Variants in LMNTD1 observed in about 807,000 individuals in gnomAD.
LMNTD1 encodes the protein lamin tail domain-containing protein 1.
Under a neutral mutation model 50.9 loss-of-function variants are expected in LMNTD1, and 35 were observed. The observed-to-expected ratio is 0.69, with a 90% confidence interval of 0.53 to 0.91. The LOEUF (loss-of-function observed/expected upper bound fraction) is 0.91, where lower values mean the gene tolerates loss of function less well. Ranked by LOEUF, LMNTD1 falls within the 40% of genes least tolerant of loss-of-function variation. The pLI, the probability that LMNTD1 is intolerant of heterozygous loss-of-function variation, is 0.00. For missense variants in LMNTD1, 470 were observed against 475.5 expected (o/e 0.99, Z 0.11); for synonymous variants, 153 against 161.9 (o/e 0.94, Z 0.42).
At chr12:25,481,865 T>TCACACACACACACACACACA (rs138084240) in intron 9 of LMNTD1, among the ~76,000 whole-genome samples, 1 of 132,612 alleles carries the variant, frequency 7.5e-6, no homozygotes, top group Non-Finnish European at 1.6e-5. Context: ...TATTGCCTCT[T>TCACACACACACACACACACA]CACACACACA....
intron 4 of LMNTD1, among the ~76,000 whole-genome samples, chr12:25,545,293 A>G (rs1943363535): frequency 6.6e-6 from 1 of 151,628 alleles, no homozygotes; most frequent in Non-Finnish European, 1.5e-5. Flanking sequence ...CTCCTGACCT[A>G]CATGGTTTCC....
At position 25,491,373 on chromosome 12, in the gene LMNTD1, C is replaced by T. The variant is rs548295257; in HGVS notation, c.*22+12365G>A. Reference sequence around the variant, plus strand: ...TCTATAAGAGAAGTAACAGGAAAGTCTACAGAGGGGTGGTGGGGAGGAGCT... The same window carrying T: ...TCTATAAGAGAAGTAACAGGAAAGTTTACAGAGGGGTGGTGGGGAGGAGCT... On this transcript the variant is annotated intron_variant, in intron 9 of 9. Transcript: ENST00000458174. Among the ~76,000 whole-genome samples the T allele has an allele frequency of 2.6e-5, 4 of 152,226 alleles. No individual in the cohort carries two copies. The East Asian group carries it at 5.8e-4, about 22-fold the overall frequency.
intron 1 of LMNTD1, among the ~76,000 whole-genome samples, chr12:25,629,824 G>T (rs74596342): frequency 0.02 from 3,028 of 152,084 alleles, 46 homozygotes; most frequent in African/African-American, 0.044. Context: ...AATATATATA[G>T]AGAGAGAGAC....
At chr12:25,478,774 G>A (rs1486374900) in intron 9 of LMNTD1, among the ~76,000 whole-genome samples, 9 of 151,984 alleles carry the variant, frequency 5.9e-5, no homozygotes, top group Admixed American at 2.0e-4. Flanking sequence ...CAACAAGAGC[G>A]AAACTCTGTC....
intron 1 of LMNTD1, among the ~76,000 whole-genome samples, chr12:25,623,114 C>A (rs1200206503): frequency 3.3e-5 from 5 of 151,932 alleles, no homozygotes; most frequent in African/African-American, 9.7e-5. Flanking sequence ...TTTAATGTGG[C>A]AGTCTGAGAA....
At chr12:25,561,078 C>G (rs1944290316) in intron 1 of LMNTD1, among the ~76,000 whole-genome samples, 1 of 151,872 alleles carries the variant, frequency 6.6e-6, no homozygotes, top group Non-Finnish European at 1.5e-5. Flanking sequence ...TTTTGTTGAT[C>G]TTTTCAAAAC....
intron 4 of LMNTD1, among the ~76,000 whole-genome samples, chr12:25,527,674 A>G (rs1565975904): frequency 9.4e-5 from 2 of 21,190 alleles, no homozygotes; most frequent in Non-Finnish European, 2.3e-4. Flanking sequence ...ATATATATAT[A>G]TATATATACA....
chr12:25,596,382 A>G (rs764081745), intron 1 of LMNTD1, among the ~76,000 whole-genome samples: 54 of 152,156 alleles, frequency 3.5e-4, no homozygotes, highest in Non-Finnish European at 6.8e-4. Flanking sequence ...CACCATGATC[A>G]AGAGGGGTTT....
chr12:25,546,647 C>T (rs2136227143), intron 3 of LMNTD1, 93 bp from the exon 4 acceptor site: 1 of 677,832 alleles, frequency 1.5e-6, no homozygotes, highest in South Asian at 5.7e-5. Flanking sequence ...TTCTCTGCTT[C>T]TACAAAATTA....
At chr12:25,487,232 G>T (rs1591819492) in intron 9 of LMNTD1, among the ~76,000 whole-genome samples, 2 of 119,416 alleles carry the variant, frequency 1.7e-5, no homozygotes, top group East Asian at 3.0e-4. Flanking sequence ...TTGACAGTGG[G>T]GTGTTAAAGT....
intron 1 of LMNTD1, among the ~76,000 whole-genome samples, chr12:25,599,058 T>C (rs1184539467): frequency 3.9e-5 from 6 of 152,000 alleles, no homozygotes; most frequent in Admixed American, 3.3e-4. Flanking sequence ...TATGCGAAAG[T>C]CCTCAACAAA....
rs191763489 is a variant in LMNTD1 at position 25,563,646 on chromosome 12, G to T, written c.59-17092C>A. Among the ~76,000 whole-genome samples, 9 of 152,298 alleles carry T rather than the reference G, an allele frequency of 5.9e-5. No homozygotes were observed. In the East Asian group the frequency reaches 1.7e-3, roughly 29 times the overall value. On this transcript the variant is annotated intron_variant, in intron 1 of 7. Transcript: ENST00000445693. Reference sequence around the variant, plus strand: ...GTTCTCAGATCTCAAACTCCATGCTGGGAGAACCACTACTCTCTTAAAAGC... The same window carrying T: ...GTTCTCAGATCTCAAACTCCATGCTTGGAGAACCACTACTCTCTTAAAAGC...
chr12:25,515,051 T>C (rs972587261), intron 8 of LMNTD1, among the ~76,000 whole-genome samples: 3 of 152,082 alleles, frequency 2.0e-5, no homozygotes, highest in African/African-American at 7.2e-5. Flanking sequence ...TAAGTACATG[T>C]AGGAATTTTA....
In LMNTD1 at chr12:25,496,572, C is replaced by T. The variant is rs139202100; in HGVS notation, c.*22+7166G>A. Among the ~76,000 whole-genome samples, 260 of 152,120 alleles carry T rather than the reference C, an allele frequency of 1.7e-3. 3 individuals are homozygous for T. In the East Asian group the frequency reaches 0.026, roughly 15 times the overall value. On this transcript the variant is annotated intron_variant, in intron 9 of 9. Coordinates refer to ENST00000458174, the MANE Select transcript of LMNTD1 (RefSeq NM_001145728.2). ...GAGGAAATAATGTCAACGGTGTGGC[C>T]CAGCAACTAGAAAATATTTATGTTG...
At chr12:25,547,970 T>A (rs1943529294) in intron 3 of LMNTD1, among the ~76,000 whole-genome samples, 1 of 151,828 alleles carries the variant, frequency 6.6e-6, no homozygotes, top group African/African-American at 2.4e-5. Flanking sequence ...ATTTCATTTT[T>A]TTGCCCCATT....
At chr12:25,566,972 A>T (rs1944582282) in intron 1 of LMNTD1, among the ~76,000 whole-genome samples, 1 of 152,232 alleles carries the variant, frequency 6.6e-6, no homozygotes, top group Non-Finnish European at 1.5e-5. Context: ...GGAGAATGCT[A>T]AGGATACTAA....
At chr12:25,482,639 A>G (rs946349574) in intron 9 of LMNTD1, among the ~76,000 whole-genome samples, 11 of 151,954 alleles carry the variant, frequency 7.2e-5, no homozygotes, top group African/African-American at 2.7e-4. Flanking sequence ...AAAATGAAGA[A>G]ACAGGAAGTG....
chr12:25,605,728 C>A (rs1198529404), intron 1 of LMNTD1, among the ~76,000 whole-genome samples: 1 of 152,148 alleles, frequency 6.6e-6, no homozygotes, highest in Non-Finnish European at 1.5e-5. Context: ...CAGTACCATT[C>A]TGTTTTGGTT....
chr12:25,529,887 T>C (rs1942100659), intron 4 of LMNTD1, among the ~76,000 whole-genome samples: 2 of 152,106 alleles, frequency 1.3e-5, no homozygotes, highest in Non-Finnish European at 2.9e-5. Context: ...TCCTACCTTA[T>C]GCTGAAACTG....
Sources: gnomAD v4.1 joint callset for allele counts (sites outside exome capture counted in the v4.1 genomes callset) on GRCh38, gnomAD v4.1.1 for gene constraint, MANE v1.5 for transcripts, NCBI Gene and HGNC (gene_info 2026-07-23, HGNC 2026-07-21) for gene names.